Variants in MATN2 observed in about 807,000 individuals in gnomAD.
MATN2 encodes matrilin-2.
MATN2 carries 69 observed loss-of-function variants against 103.2 expected under a neutral mutation model. The ratio of observed to expected loss-of-function variants is 0.67; its 90% CI spans 0.55 to 0.82. The LOEUF (loss-of-function observed/expected upper bound fraction) is 0.82, where lower values mean the gene tolerates loss of function less well. Among genes scored for constraint, MATN2 ranks in the 40% least tolerant of loss-of-function variants. The pLI is 0.00. For synonymous variants in MATN2, 429 were observed against 450.2 expected, an observed-to-expected ratio of 0.95 and a Z score of 0.60; for missense variants, 1,023 against 1,211.5, an observed-to-expected ratio of 0.84 and a Z score of 2.31.
At chr8:98,012,137 G>C (rs997147058) in intron 10 of MATN2, among the ~76,000 whole-genome samples, 3 of 152,134 alleles carry the variant, frequency 2.0e-5, no homozygotes, top group Non-Finnish European at 4.4e-5. Flanking sequence ...CTCTGGGTTT[G>C]AATCTAGGTA....
chr8:97,994,414 C>T (rs921473770), intron 6 of MATN2, 66 bp from the exon 7 acceptor site: 1 of 1,535,012 alleles, frequency 6.5e-7, no homozygotes, highest in African/African-American at 1.4e-5. Flanking sequence ...GACTGGAAAT[C>T]CCTGGTTTTC....
intron 4 of MATN2, among the ~76,000 whole-genome samples, chr8:97,944,973 T>A (rs1810696159): frequency 6.6e-6 from 1 of 152,238 alleles, no homozygotes; most frequent in Non-Finnish European, 1.5e-5. Context: ...CATACAATCA[T>A]TGATTGGTTC....
At chr8:97,967,188 A>G (rs1811511577) in intron 5 of MATN2, among the ~76,000 whole-genome samples, 1 of 152,210 alleles carries the variant, frequency 6.6e-6, no homozygotes, top group Admixed American at 6.5e-5. Flanking sequence ...AATACCTCCC[A>G]CTAAGCCCCA....
At chr8:97,956,726 TC>T (rs961289906) in intron 4 of MATN2, among the ~76,000 whole-genome samples, 3 of 152,140 alleles carry the variant, frequency 2.0e-5, no homozygotes, top group Non-Finnish European at 4.4e-5. Flanking sequence ...TGGAGTTGAG[TC>T]CTGCCTCCTA....
At chr8:97,916,224 A>T (rs1015572131) in intron 2 of MATN2, among the ~76,000 whole-genome samples, 3 of 151,824 alleles carry the variant, frequency 2.0e-5, no homozygotes, top group Non-Finnish European at 4.4e-5. Context: ...CACGCGCTAC[A>T]ACACCTGGCT....
chr8:98,021,239 C>G lies in MATN2; in HGVS notation c.1854C>G (p.Cys618Trp), dbSNP rs750829805. ...TCTGCAAATCAACCCACCATGGCTG[C>G]GAACACATTTGTGTTAATAATGGGA... ...KDVCKSTHHG[C>W]EHICVNNGNS... The change falls in exon 13 of 19, where the codon TGC (cysteine) becomes TGG (tryptophan). Residue 618 changes from cysteine (C) to tryptophan (W), a missense_variant. Coordinates refer to ENST00000254898, the MANE Select transcript of MATN2 (RefSeq NM_002380.5). 2 of 1,613,376 alleles carry G rather than the reference C, an allele frequency of 1.2e-6. No individual in the cohort carries two copies. The highest frequency in any genetic ancestry group is 1.3e-5 in the African/African-American group (1 of 74,888).
rs552106498 is a variant in MATN2 at position 98,015,124 on chromosome 8, TCTTC to T, written c.1574-1412_1574-1409del. On this transcript the variant is annotated intron_variant, in intron 10 of 18. Coordinates refer to ENST00000254898, the MANE Select transcript of MATN2 (RefSeq NM_002380.5). ...GTTGCTCAGTCCAGCAACCTGGGAG[TCTTC>T]CTTGACTCTTCTGTCCTATCCATAT... Among the ~76,000 whole-genome samples, 6 of 151,952 alleles carry T rather than the reference TCTTC, an allele frequency of 3.9e-5. No homozygotes were observed. In the South Asian group the frequency reaches 1.3e-3, roughly 32 times the overall value.
At chr8:97,895,628 A>G (rs1818783614) in intron 2 of MATN2, among the ~76,000 whole-genome samples, 3 of 152,184 alleles carry the variant, frequency 2.0e-5, no homozygotes, top group Admixed American at 1.3e-4. Flanking sequence ...CTATTTTTGC[A>G]CTTGTCTCAT....
At chr8:97,972,593 G>A (rs1811697344) in intron 5 of MATN2, among the ~76,000 whole-genome samples, 2 of 152,196 alleles carry the variant, frequency 1.3e-5, no homozygotes, top group Admixed American at 6.5e-5. Flanking sequence ...TTCTGCTAAT[G>A]CCATTCCCTT....
At chr8:97,995,027 AAAG>A (rs755141297) in intron 7 of MATN2, among the ~76,000 whole-genome samples, 14 of 152,290 alleles carry the variant, frequency 9.2e-5, no homozygotes, top group African/African-American at 3.4e-4. Flanking sequence ...CTTTGATAGG[AAAG>A]AAGAAGAAAA....
chr8:97,881,767 G>A (rs1237652646), intron 1 of MATN2, among the ~76,000 whole-genome samples: 2 of 152,034 alleles, frequency 1.3e-5, no homozygotes, highest in East Asian at 3.8e-4. Flanking sequence ...CCATTGAGAT[G>A]GATACATGCA....
chr8:98,022,997 A>G (rs889482613), intron 13 of MATN2, among the ~76,000 whole-genome samples: 1 of 152,214 alleles, frequency 6.6e-6, no homozygotes, highest in Admixed American at 6.5e-5. Flanking sequence ...CTGAGGCAGG[A>G]GAATTGCTTG....
intron 5 of MATN2, among the ~76,000 whole-genome samples, chr8:97,977,871 C>T (rs551475429): frequency 2.1e-4 from 32 of 152,246 alleles, no homozygotes; most frequent in East Asian, 9.6e-4. Flanking sequence ...GATATCCTCA[C>T]GGCTCGTATT....
rs377237005 is a variant in MATN2 at position 97,994,628 on chromosome 8, G to A, written c.1204+26G>A. 165 of 1,598,778 alleles carry A rather than the reference G, an allele frequency of 1.0e-4. No individual in the cohort carries two copies. In the African/African-American group the frequency reaches 2.0e-3, roughly 19 times the overall value. ...GTAAGTTACAGTGGGAGTTGGAGAA[G>A]GGCTTGTTCTGCTAAATGCTCCTCT... On this transcript the variant is annotated intron_variant, in intron 7 of 18. Transcript: ENST00000254898.
chr8:97,994,532 C>T lies in MATN2; in HGVS notation c.1134C>T (p.Asn378=), dbSNP rs1305500136. 6.2e-7 allele frequency: 1 copy of T among 1,613,616 alleles called. No homozygotes were observed. The highest frequency in any genetic ancestry group is 2.2e-5 in the East Asian group (1 of 44,846). Residue 378 remains asparagine, a synonymous_variant, in exon 7 of 19, where the codon AAC becomes AAT. Transcript: ENST00000254898. ...ACGGATGTCAGCACGAGTGTGTTAA[C>T]ACAGATGATTCCTATTCCTGCCACT... ...SNHGCQHECV[N]TDDSYSCHCL...
At chr8:98,004,028 C>G (rs1812874903) in intron 8 of MATN2, 1 of 406,414 alleles carries the variant, frequency 2.5e-6, no homozygotes, top group African/African-American at 2.1e-5. Flanking sequence ...GTGGCTCACG[C>G]CTGTAATCCC....
At chr8:97,972,403 G>A (rs534472254) in intron 5 of MATN2, among the ~76,000 whole-genome samples, 4 of 151,948 alleles carry the variant, frequency 2.6e-5, no homozygotes, top group African/African-American at 7.2e-5. Flanking sequence ...TCCTGCATTT[G>A]GAATTCCAGT....
chr8:97,915,040 G>T (rs1809573570), intron 2 of MATN2, among the ~76,000 whole-genome samples: 1 of 152,068 alleles, frequency 6.6e-6, no homozygotes, highest in Non-Finnish European at 1.5e-5. Context: ...AGGATAAAGT[G>T]CAGTGGTGTA....
chr8:98,032,010 T>C (rs915538465), intron 15 of MATN2: 80 of 329,616 alleles, frequency 2.4e-4, no homozygotes, highest in African/African-American at 1.4e-3. Context: ...TTTGGGAGCA[T>C]TCTTAAGATG....
Sources: gnomAD v4.1 joint callset for allele counts (sites outside exome capture counted in the v4.1 genomes callset) on GRCh38, gnomAD v4.1.1 for gene constraint, MANE v1.5 for transcripts, NCBI Gene and HGNC (gene_info 2026-07-23, HGNC 2026-07-21) for gene names.